Variants in RBMS3 observed in about 807,000 individuals in gnomAD.
RBMS3 encodes the protein RNA binding motif single stranded interacting protein 3.
Under a neutral mutation model 66.8 loss-of-function variants are expected in RBMS3, and 27 were observed. The observed-to-expected ratio is 0.40, with a 90% CI of 0.30 to 0.56. The LOEUF (loss-of-function observed/expected upper bound fraction) is 0.56, where lower values mean the gene tolerates loss of function less well. Ranked by LOEUF, RBMS3 falls within the 20% of genes least tolerant of loss-of-function variation. The pLI is 0.40. For missense variants in RBMS3, 513 were observed against 549.5 expected (o/e 0.93, Z 0.66); for synonymous variants, 188 against 183.0 (o/e 1.03, Z -0.22).
chr3:29,566,190 AG>A (rs1398822634), intron 3 of RBMS3, among the ~76,000 whole-genome samples: 1 of 152,156 alleles, frequency 6.6e-6, no homozygotes, highest in Non-Finnish European at 1.5e-5. Flanking sequence ...ACAGCCTCTT[AG>A]GGTAAAATAT....
chr3:29,321,739 A>T (rs1334092053), intron 1 of RBMS3, among the ~76,000 whole-genome samples: 1 of 152,074 alleles, frequency 6.6e-6, no homozygotes, highest in East Asian at 1.9e-4. Context: ...CAAGACCAAA[A>T]ATGAAAGCAA....
chr3:29,393,676 AT>A (rs76849694), intron 1 of RBMS3, among the ~76,000 whole-genome samples: 29,805 of 151,862 alleles, frequency 0.2, 3,770 homozygotes, highest in East Asian at 0.56. Context: ...GTTCTTTTCT[AT>A]TTTTCCCTAA....
Position 29,449,243 on chromosome 3 carries a change from C to T in RBMS3, c.248+14328C>T, listed in dbSNP as rs557312611. On this transcript the variant is annotated intron_variant, in intron 2 of 14. Transcript: ENST00000383767. ...GCAGGTTGTGTAGTACCTTGCGTAG[C>T]AGCTACTTAAGAAATAGTGTTATGT... Among the ~76,000 whole-genome samples, 4 of 152,264 alleles carry T rather than the reference C, an allele frequency of 2.6e-5. No homozygotes were observed. The South Asian group carries it at 8.3e-4, about 32-fold the overall frequency.
intron 1 of RBMS3, among the ~76,000 whole-genome samples, chr3:29,387,102 A>T (rs953802367): frequency 5.3e-5 from 8 of 152,060 alleles, no homozygotes; most frequent in Non-Finnish European, 8.8e-5. Context: ...GGATCTCTGG[A>T]TATCTTTATC....
chr3:29,580,682 T>C (rs1023305425), intron 3 of RBMS3, among the ~76,000 whole-genome samples: 2 of 147,660 alleles, frequency 1.4e-5, no homozygotes, highest in Non-Finnish European at 3.0e-5. Context: ...AATTTAATAA[T>C]ATAATAATAA....
chr3:29,926,868 T>C (rs776003893), intron 10 of RBMS3: 7 of 152,206 alleles, frequency 4.6e-5, no homozygotes, highest in Non-Finnish European at 1.0e-4. Flanking sequence ...AATAAAGCAT[T>C]TCTTATCACA....
chr3:29,352,022 C>T (rs973012932), intron 1 of RBMS3, among the ~76,000 whole-genome samples: 4 of 151,824 alleles, frequency 2.6e-5, no homozygotes, highest in Admixed American at 1.3e-4. Context: ...AATTTGGTTG[C>T]GTCATTATGG....
intron 8 of RBMS3, among the ~76,000 whole-genome samples, chr3:29,893,367 T>C (rs1220133608): frequency 6.6e-6 from 1 of 151,554 alleles, no homozygotes; most frequent in Non-Finnish European, 1.5e-5. Context: ...CCCATAGAAT[T>C]TCCTGTAAAC....
At chr3:29,741,699 A>T (rs1274063263) in intron 5 of RBMS3, among the ~76,000 whole-genome samples, 1 of 152,224 alleles carries the variant, frequency 6.6e-6, no homozygotes, top group Non-Finnish European at 1.5e-5. Flanking sequence ...TGTCATAACA[A>T]AATGTCACGG....
intron 6 of RBMS3, among the ~76,000 whole-genome samples, chr3:29,785,758 A>G (rs2056796489): frequency 6.6e-6 from 1 of 152,138 alleles, no homozygotes; most frequent in Non-Finnish European, 1.5e-5. Context: ...GAAAAGTTGA[A>G]AGGATTCCCC....
intron 4 of RBMS3, among the ~76,000 whole-genome samples, chr3:29,720,643 C>T (rs1405659345): frequency 6.6e-6 from 1 of 151,574 alleles, no homozygotes; most frequent in African/African-American, 2.4e-5. Flanking sequence ...GCATTGTTCT[C>T]ACTAAAGTGT....
At chr3:29,838,163 C>A (rs1192339219) in intron 6 of RBMS3, among the ~76,000 whole-genome samples, 1 of 121,946 alleles carries the variant, frequency 8.2e-6, no homozygotes, top group Non-Finnish European at 1.7e-5. Flanking sequence ...ATAGTGAGAC[C>A]TCATCTCTAC....
intron 4 of RBMS3, among the ~76,000 whole-genome samples, chr3:29,607,172 T>C (rs1051304081): frequency 5.3e-5 from 8 of 152,034 alleles, no homozygotes; most frequent in African/African-American, 1.9e-4. Context: ...TTTAGATATT[T>C]ATGATTATTG....
chr3:29,634,925 C>G (rs1276343232), intron 4 of RBMS3, among the ~76,000 whole-genome samples: 2 of 151,862 alleles, frequency 1.3e-5, no homozygotes, highest in East Asian at 3.9e-4. Flanking sequence ...TCTCCCAGGC[C>G]TGGAGTTCCA....
rs957231572 is a variant in RBMS3, at chr3:30,007,022, T to G, written c.*3160T>G. ...ATATCATGCCATTCTATAAAATGTA[T>G]GTTTTCAAACCAAAAAGAAAAAAAA... is the stretch of plus-strand genomic sequence containing the variant. On this transcript the variant is annotated 3_prime_UTR_variant, in exon 15 of 15. Transcript: ENST00000383767. 2.0e-5 allele frequency: 3 copies of G among 151,982 alleles called. No homozygotes were observed. Among genetic ancestry groups the G allele is most frequent in the Non-Finnish European group, 2.9e-5 (2 of 67,912 alleles). The allele number at this position is 151,982 out of a possible 1,614,324, so 9.4% of individuals were successfully genotyped here. A position where few individuals can be genotyped will look rare whatever the true frequency, so the allele number is the denominator to read the frequency against.
chr3:29,499,165 A>G (rs1436106778), intron 3 of RBMS3, among the ~76,000 whole-genome samples: 1 of 152,132 alleles, frequency 6.6e-6, no homozygotes, highest in Non-Finnish European at 1.5e-5. Context: ...AGTTTAAAGG[A>G]AAAAAATGCC....
At chr3:29,957,849 G>A (rs887032484) in intron 12 of RBMS3, among the ~76,000 whole-genome samples, 3 of 152,030 alleles carry the variant, frequency 2.0e-5, no homozygotes, top group South Asian at 4.1e-4. Context: ...CAATGACATC[G>A]CATCTTTGCT....
At chr3:29,375,578 A>G (rs1419794252) in intron 1 of RBMS3, among the ~76,000 whole-genome samples, 1 of 152,240 alleles carries the variant, frequency 6.6e-6, no homozygotes. Context: ...GAAGACATAC[A>G]TGCAGCCAAC....
At chr3:29,479,612 T>C (rs1421805923) in intron 2 of RBMS3, among the ~76,000 whole-genome samples, 1 of 152,126 alleles carries the variant, frequency 6.6e-6, no homozygotes, top group Non-Finnish European at 1.5e-5. Flanking sequence ...AAATAATTGG[T>C]GATCAAATAA....
Sources: gnomAD v4.1 joint callset for allele counts (sites outside exome capture counted in the v4.1 genomes callset) on GRCh38, gnomAD v4.1.1 for gene constraint, MANE v1.5 for transcripts, NCBI Gene and HGNC (gene_info 2026-07-23, HGNC 2026-07-21) for gene names.